TUNAR: variants seen among roughly 807,000 people sequenced by gnomAD.
The protein encoded by TUNAR is transmembrane neural differentiation associated intracellular calcium regulator.
chr14:95,889,703 C>A (rs549010418), intron 2 of TUNAR, among the ~76,000 whole-genome samples: 60 of 152,242 alleles, frequency 3.9e-4, no homozygotes, highest in African/African-American at 1.3e-3. Flanking sequence ...TGTAAGCCCA[C>A]GGAGCCGTCA....
intron 2 of TUNAR, among the ~76,000 whole-genome samples, chr14:95,890,267 G>A (rs1280108315): frequency 6.6e-6 from 1 of 152,186 alleles, no homozygotes; most frequent in African/African-American, 2.4e-5. Context: ...TCTGTCTGGA[G>A]CCCCAGGTCT....
At chr14:95,909,177 T>C (rs745713546) in intron 2 of TUNAR, among the ~76,000 whole-genome samples, 1 of 152,154 alleles carries the variant, frequency 6.6e-6, no homozygotes, top group Non-Finnish European at 1.5e-5. Flanking sequence ...TCTCTTTAGA[T>C]CAGTGTTTAA....
intron 2 of TUNAR, among the ~76,000 whole-genome samples, chr14:95,881,883 G>T (rs762021836): frequency 3.3e-5 from 5 of 152,180 alleles, no homozygotes; most frequent in Non-Finnish European, 7.3e-5. Flanking sequence ...TTCTGCTAAC[G>T]ATACTCAGGC....
At chr14:95,907,523 G>T (rs906729722) in intron 2 of TUNAR, among the ~76,000 whole-genome samples, 1 of 152,160 alleles carries the variant, frequency 6.6e-6, no homozygotes, top group Non-Finnish European at 1.5e-5. Flanking sequence ...AATCTCTGTG[G>T]CCAGTGGTGC....
intron 2 of TUNAR, among the ~76,000 whole-genome samples, chr14:95,897,344 C>T (rs1021989109): frequency 1.3e-5 from 2 of 152,186 alleles, no homozygotes; most frequent in African/African-American, 4.8e-5. Context: ...TAAAGTGCTT[C>T]TCTCTGTTAC....
chr14:95,903,231 G>A (rs1889382817), intron 2 of TUNAR, among the ~76,000 whole-genome samples: 2 of 152,212 alleles, frequency 1.3e-5, no homozygotes, highest in Non-Finnish European at 1.5e-5. Flanking sequence ...AAAATGTGAT[G>A]ATAGTGTCTT....
At chr14:95,908,953 G>T (rs1157379679) in intron 2 of TUNAR, among the ~76,000 whole-genome samples, 1 of 152,152 alleles carries the variant, frequency 6.6e-6, no homozygotes, top group Non-Finnish European at 1.5e-5. Context: ...TAGGCGGGGG[G>T]TGACGTTGCT....
intron 2 of TUNAR, among the ~76,000 whole-genome samples, chr14:95,891,241 CG>C (rs1889175824): frequency 2.0e-5 from 3 of 152,210 alleles, no homozygotes; most frequent in South Asian, 2.1e-4. Flanking sequence ...CCCACCTGCT[CG>C]GGGGTTTTCC....
chr14:95,898,478 T>C (rs550876633), intron 2 of TUNAR, among the ~76,000 whole-genome samples: 1 of 152,324 alleles, frequency 6.6e-6, no homozygotes, highest in South Asian at 2.1e-4. Context: ...TCATTTGTTT[T>C]CCATTCTCCA....
exon 3 of TUNAR, chr14:95,923,280 T>G (rs1889727657): frequency 4.1e-6 from 1 of 242,520 alleles, no homozygotes; most frequent in African/African-American, 2.2e-5. Context: ...GTGCAGAAAT[T>G]CATTATTCCA....
At chr14:95,894,575 G>T (rs1352032186) in intron 2 of TUNAR, among the ~76,000 whole-genome samples, 1 of 152,176 alleles carries the variant, frequency 6.6e-6, no homozygotes, top group Non-Finnish European at 1.5e-5. Context: ...TTTTTTCTTG[G>T]TGTAAACTGT....
At chr14:95,917,569 C>G (rs1889626157) in intron 2 of TUNAR, among the ~76,000 whole-genome samples, 1 of 152,158 alleles carries the variant, frequency 6.6e-6, no homozygotes, top group Non-Finnish European at 1.5e-5. Flanking sequence ...CTATAGAACA[C>G]TTTAGGAAAA....
chr14:95,882,487 A>G (rs937383132), intron 2 of TUNAR, among the ~76,000 whole-genome samples: 2 of 152,196 alleles, frequency 1.3e-5, no homozygotes, highest in African/African-American at 2.4e-5. Flanking sequence ...TTGTTTTTGT[A>G]TGTGGCTTAT....
At chr14:95,903,199 T>A (rs1241479509) in intron 2 of TUNAR, among the ~76,000 whole-genome samples, 2 of 152,240 alleles carry the variant, frequency 1.3e-5, no homozygotes, top group Non-Finnish European at 2.9e-5. Flanking sequence ...TCCCGCTCGC[T>A]GATTCCACTT....
At chr14:95,903,875 G>A (rs1272133466) in intron 2 of TUNAR, among the ~76,000 whole-genome samples, 6 of 152,192 alleles carry the variant, frequency 3.9e-5, no homozygotes, top group East Asian at 1.9e-4. Flanking sequence ...CACCTGGCTC[G>A]CTGGGGCTTC....
At chr14:95,882,326 A>G (rs35975207) in intron 2 of TUNAR, among the ~76,000 whole-genome samples, 8,315 of 152,312 alleles carry the variant, frequency 0.055, 350 homozygotes, top group East Asian at 0.13. Flanking sequence ...ACCAGAGAGG[A>G]TAAGATAAGA....
At chr14:95,893,453 A>G (rs1421709652) in intron 2 of TUNAR, among the ~76,000 whole-genome samples, 1 of 151,820 alleles carries the variant, frequency 6.6e-6, no homozygotes, top group Non-Finnish European at 1.5e-5. Flanking sequence ...GGCCGCCCTC[A>G]CTCCTTATGG....
At chr14:95,917,820 G>A (rs73338783) in intron 2 of TUNAR, among the ~76,000 whole-genome samples, 4,044 of 152,212 alleles carry the variant, frequency 0.027, 190 homozygotes, top group African/African-American at 0.091. Flanking sequence ...ACAAACCACA[G>A]AATTCATCTA....
chr14:95,922,789 G>T, exon 3 of TUNAR: 1 of 398,988 alleles, frequency 2.5e-6, no homozygotes, highest in Non-Finnish European at 4.4e-6. Flanking sequence ...AGGTTAGCCT[G>T]GCAAGGAAGA....
Sources: allele counts gnomAD v4.1 joint callset (sites outside exome capture counted in the v4.1 genomes callset), GRCh38; gene constraint gnomAD v4.1.1; transcripts MANE v1.5; gene names NCBI Gene and HGNC (gene_info 2026-07-23, HGNC 2026-07-21).